The following ARMCX4 variants were observed in gnomAD, a reference collection of about 807,000 sequenced individuals.
The protein encoded by ARMCX4 is armadillo repeat-containing X-linked protein 4.
A neutral mutation model predicts 34.7 loss-of-function variants in ARMCX4; 3 were observed. The ratio of observed to expected loss-of-function variants is 0.09; its 90% confidence interval spans 0.04 to 0.22. The LOEUF (loss-of-function observed/expected upper bound fraction) is 0.22. Ranked by LOEUF, ARMCX4 falls within the 10% of genes least tolerant of loss-of-function variation. ARMCX4 has a pLI of 1.00. For missense variants in ARMCX4, 1,448 were observed against 1,720.8 expected (o/e 0.84, Z 2.81); for synonymous variants, 513 against 632.8 (o/e 0.81, Z 2.84).
chrX:101,438,424 G>A (rs1930967673), intron 2 of ARMCX4, among the ~76,000 whole-genome samples: 1 of 111,164 alleles, frequency 9.0e-6, no homozygotes, highest in Admixed American at 9.6e-5. Flanking sequence ...AATTAGCCAG[G>A]TATGGTGGTG....
At chrX:101,471,503 A>C (rs1312820099) in intron 4 of ARMCX4, among the ~76,000 whole-genome samples, 1 of 112,204 alleles carries the variant, frequency 8.9e-6, no homozygotes, top group Non-Finnish European at 1.9e-5. Flanking sequence ...AACAGGTTTT[A>C]TGGAACAGGC....
At chrX:101,465,440 A>C (rs2147614228) in intron 4 of ARMCX4, among the ~76,000 whole-genome samples, 1 of 112,298 alleles carries the variant, frequency 8.9e-6, no homozygotes, top group East Asian at 2.8e-4. Context: ...AAAGACAAAA[A>C]GGGACATTTC....
intron 3 of ARMCX4, among the ~76,000 whole-genome samples, chrX:101,445,123 A>G (rs1555997712): frequency 8.9e-6 from 1 of 112,522 alleles, no homozygotes; most frequent in Non-Finnish European, 1.9e-5. Flanking sequence ...ATCTTGAAAT[A>G]AGAGGAAGGA....
downstream of ARMCX4, among the ~76,000 whole-genome samples, chrX:101,535,942 G>A (rs782352436): frequency 9.0e-6 from 1 of 111,278 alleles, no homozygotes; most frequent in African/African-American, 3.3e-5. Flanking sequence ...ATTCTACTAT[G>A]TGTTACATGT....
chrX:101,442,360 C>A (rs1931352523), intron 2 of ARMCX4, among the ~76,000 whole-genome samples: 1 of 111,277 alleles, frequency 9.0e-6, no homozygotes, highest in Admixed American at 9.6e-5. Context: ...CTTGTCAGTG[C>A]AAAACAGGCA....
rs34645831 is a variant in ARMCX4 at position 101,444,827 on chromosome X, T to TTGTG, written n.268+685_268+688dup. Among the ~76,000 whole-genome samples the TTGTG allele has an allele frequency of 2.2e-3, 242 of 107,952 alleles. 2 individuals carry two copies. The highest frequency in any genetic ancestry group is 3.7e-3 in the Non-Finnish European group (191 of 51,778). The allele number at this position is 107,952 out of a possible 115,157, so 93.7% of individuals were successfully genotyped here. On this transcript the variant is annotated intron_variant and non_coding_transcript_variant, in intron 3 of 3. Transcript: ENST00000430461. ...CTCATCACCTCACATAGTTGCCATTTTGTGTGTGTGTGTGTGGTAAAGGCA... is the reference window on the plus strand; with the variant it reads ...CTCATCACCTCACATAGTTGCCATTTTGTGTGTGTGTGTGTGTGTGGTAAAGGCA...
In ARMCX4 at chrX:101,432,890, A is replaced by G. The variant is rs370566909; in HGVS notation, n.165-11162A>G. Among the ~76,000 whole-genome samples the G allele has an allele frequency of 2.4e-3, 121 of 50,502 alleles. 4 individuals carry two copies. Among genetic ancestry groups the G allele is most frequent in the South Asian group, 7.6e-3 (5 of 656 alleles). The allele number at this position is 50,502 out of a possible 115,157, so 43.9% of individuals were successfully genotyped here. On this transcript the variant is annotated intron_variant and non_coding_transcript_variant, in intron 2 of 3. Transcript: ENST00000430461. The stretch of plus-strand genomic sequence containing the variant: ...TATATACACATATGTATACGTGTGT[A>G]TATATACGTGTATATACACACACGT...
intron 11 of ARMCX4, chrX:101,511,062 C>T (rs973594060): frequency 9.0e-6 from 1 of 111,174 alleles, no homozygotes. Flanking sequence ...TTAAGTAAGT[C>T]TATTTTTATT....
chrX:101,529,103 C>T (rs1407642436), intron 11 of ARMCX4, among the ~76,000 whole-genome samples: 1 of 111,665 alleles, frequency 9.0e-6, no homozygotes, highest in East Asian at 2.8e-4. Flanking sequence ...GCTACAGTAA[C>T]CAAAACAGCA....
chrX:101,504,286 A>G (rs1475724989), intron 7 of ARMCX4, among the ~76,000 whole-genome samples: 1 of 111,593 alleles, frequency 9.0e-6, no homozygotes, highest in Admixed American at 9.5e-5. Flanking sequence ...TTTTGGTTCC[A>G]TATGAACTTT....
At chrX:101,502,849 T>C (rs1436819570) in intron 7 of ARMCX4, among the ~76,000 whole-genome samples, 22 of 108,504 alleles carry the variant, frequency 2.0e-4, no homozygotes, top group Non-Finnish European at 4.2e-4. Flanking sequence ...GTTAGTTACA[T>C]ATGTATACAT....
chrX:101,534,886 C>T (rs1415218369), downstream of ARMCX4, among the ~76,000 whole-genome samples: 4 of 111,741 alleles, frequency 3.6e-5, no homozygotes, highest in Admixed American at 9.5e-5. Flanking sequence ...TCTGACTGTC[C>T]GCTGCGCATT....
intron 4 of ARMCX4, among the ~76,000 whole-genome samples, chrX:101,474,382 A>G (rs1933071368): frequency 9.1e-6 from 1 of 110,169 alleles, no homozygotes; most frequent in African/African-American, 3.3e-5. Flanking sequence ...TCAGAGGTAC[A>G]AGGAGGAACT....
In ARMCX4 at chrX:101,477,945, A is replaced by G. The variant is rs183241528; in HGVS notation, c.-472-8078A>G. Among the ~76,000 whole-genome samples the G allele has an allele frequency of 7.1e-5, 8 of 112,226 alleles. No individual in the cohort carries two copies. The East Asian group carries it at 2.2e-3, about 31-fold the overall frequency. On this transcript the variant is annotated intron_variant and NMD_transcript_variant, in intron 4 of 15. Transcript: ENST00000433011. ...TGTTCAAATTAAACATCCATTCCTG[A>G]TAACAACTCCTGGCATTCTAGGAAT...
upstream of ARMCX4, among the ~76,000 whole-genome samples, chrX:101,482,105 G>A (rs1031452565): frequency 6.3e-5 from 7 of 110,396 alleles, no homozygotes; most frequent in South Asian, 1.2e-3. Flanking sequence ...ATGGTGGTGC[G>A]CACCTGTAAT....
rs782480134 is a variant in ARMCX4 at position 101,494,441 on chromosome X, G to A, written c.5852G>A (p.Cys1951Tyr). The change falls in exon 6 of 6, where the codon TGT (cysteine) becomes TAT (tyrosine). Residue 1951 changes from cysteine (C) to tyrosine (Y), a missense_variant. Coordinates refer to ENST00000423738, the MANE Select transcript of ARMCX4 (RefSeq NM_001256155.3). The stretch of plus-strand genomic sequence containing the variant: ...GGAGTTGATATAGGGTCTTGGTTCT[G>A]TGCTGGTAATGAAAACACAAGTGAG... The part of the protein sequence containing the change: ...AGGVDIGSWF[C>Y]AGNENTSEDK... 5 of 1,155,687 alleles carry A rather than the reference G, an allele frequency of 4.3e-6. 1 individual carries two copies. In the South Asian group the frequency reaches 7.6e-5, roughly 18 times the overall value.
At chrX:101,449,152 C>T (rs60135212), downstream of ARMCX4, among the ~76,000 whole-genome samples, 7,445 of 110,305 alleles carry the variant, frequency 0.067, 231 homozygotes, top group South Asian at 0.27. Flanking sequence ...GCGATCTGCC[C>T]GCCTCAGCCT....
At chrX:101,503,922 C>T (rs1233679778) in intron 7 of ARMCX4, among the ~76,000 whole-genome samples, 2 of 111,260 alleles carry the variant, frequency 1.8e-5, no homozygotes, top group Non-Finnish European at 3.8e-5. Context: ...GGTTTTAGGT[C>T]TAATATTTAA....
chrX:101,428,075 G>A (rs936700001), intron 2 of ARMCX4, among the ~76,000 whole-genome samples: 4 of 112,010 alleles, frequency 3.6e-5, no homozygotes, highest in Admixed American at 2.8e-4. Context: ...ATATAAAGAC[G>A]TGTACACCGG....
Sources: allele counts gnomAD v4.1 joint callset (sites outside exome capture counted in the v4.1 genomes callset), GRCh38; gene constraint gnomAD v4.1.1; transcripts MANE v1.5; gene names NCBI Gene and HGNC (gene_info 2026-07-23, HGNC 2026-07-21).